SENP7: variants seen among roughly 807,000 people sequenced by gnomAD.
SENP7 encodes the protein SUMO specific peptidase 7, also known as sentrin-specific protease 7.
In SENP7, 64 loss-of-function variants were observed where a neutral mutation model predicts 141.2. The observed-to-expected ratio is 0.45, with a 90% CI of 0.37 to 0.56. The LOEUF (loss-of-function observed/expected upper bound fraction) is 0.56, where lower values mean the gene tolerates loss of function less well. Among genes scored for constraint, SENP7 ranks in the 20% least tolerant of loss-of-function variants. The pLI is 0.00. For synonymous variants in SENP7, 382 were observed against 426.4 expected, an observed-to-expected ratio of 0.90 and a Z score of 1.28; for missense variants, 1,025 against 1,212.2, an observed-to-expected ratio of 0.85 and a Z score of 2.29.
chr3:101,492,882 C>T (rs557189471), intron 3 of SENP7, among the ~76,000 whole-genome samples: 24 of 152,212 alleles, frequency 1.6e-4, no homozygotes, highest in African/African-American at 5.8e-4. Context: ...TTCCCAGCTA[C>T]TCAGGAGGCT....
intron 18 of SENP7, 121 bp downstream of exon 18, chr3:101,332,649 A>C (rs913893223): frequency 1.4e-5 from 8 of 559,012 alleles, no homozygotes; most frequent in African/African-American, 5.9e-5. Context: ...TATTTAAAAA[A>C]ATTAAAATAA....
Position 101,351,666 on chromosome 3 carries a change from A to G in SENP7, c.1624-15T>C. The G allele has an allele frequency of 7.4e-7, 1 of 1,345,494 alleles. No individual in the cohort carries two copies. Among genetic ancestry groups the G allele is most frequent in the Non-Finnish European group, 9.7e-7 (1 of 1,030,308 alleles). The allele number at this position is 1,345,494 out of a possible 1,614,324, so 83.3% of individuals were successfully genotyped here. A position where few individuals can be genotyped will look rare whatever the true frequency, so the allele number is the denominator to read the frequency against. ...TTTTTTGTGATCTGAAGAAAAAATT[A>G]AAAAGCAAACAATGAGTTACCACTC... On this transcript the variant is annotated splice_polypyrimidine_tract_variant and intron_variant, in intron 11 of 23. Transcript: ENST00000394095.
intron 18 of SENP7, 35 bp from the exon 19 acceptor site, chr3:101,332,144 A>G (rs2059073300): frequency 6.2e-7 from 1 of 1,601,262 alleles, no homozygotes; most frequent in African/African-American, 1.3e-5. Flanking sequence ...AATACCATGC[A>G]AAGTCTAAAC....
At chr3:101,464,462 G>A (rs571097649) in intron 3 of SENP7, among the ~76,000 whole-genome samples, 1 of 152,082 alleles carries the variant, frequency 6.6e-6, no homozygotes, top group African/African-American at 2.4e-5. Flanking sequence ...CCACCTGTCA[G>A]GTCAGTGGCA....
chr3:101,470,860 GACAA>G (rs1313259188), intron 3 of SENP7, among the ~76,000 whole-genome samples: 3 of 152,078 alleles, frequency 2.0e-5, no homozygotes, highest in African/African-American at 4.8e-5. Flanking sequence ...ACCCTTAACA[GACAA>G]ACAAAGAGCC....
In SENP7 at chr3:101,417,695, G is replaced by C. The variant is rs776653516; in HGVS notation, c.380C>G (p.Ala127Gly). Reference sequence around the variant, plus strand: ...CAATGAGTCTGATTGCACCTTGTTGGCATCACATAAATTAGCATCGTTTCT... The same window carrying C: ...CAATGAGTCTGATTGCACCTTGTTGCCATCACATAAATTAGCATCGTTTCT... ...LPRNDANLCD[A>G]NKVQSDSLPS... The change falls in exon 5 of 24, where the codon GCC (alanine) becomes GGC (glycine). Residue 127 changes from alanine (A) to glycine (G), a missense_variant. Ala to Gly is a moderately conservative substitution (Grantham distance 60). Coordinates refer to ENST00000394095, the MANE Select transcript of SENP7 (RefSeq NM_020654.5). 1.2e-6 allele frequency: 2 copies of C among 1,613,788 alleles called. No individual in the cohort carries two copies. The highest frequency in any genetic ancestry group is 1.7e-5 in the Admixed American group (1 of 60,026).
At chr3:101,479,127 T>C (rs774587587) in intron 3 of SENP7, among the ~76,000 whole-genome samples, 9 of 152,190 alleles carry the variant, frequency 5.9e-5, no homozygotes, top group African/African-American at 1.4e-4. Flanking sequence ...AAGACTTCCC[T>C]CTAAGAACTG....
Position 101,399,046 on chromosome 3 carries a change from T to C in SENP7, c.492A>G (p.Arg164=). 6.2e-7 allele frequency: 1 copy of C among 1,609,662 alleles called. No homozygotes were observed. The highest frequency in any genetic ancestry group is 8.5e-7 in the Non-Finnish European group (1 of 1,177,418). Residue 164 remains arginine (R), a synonymous_variant, in exon 6 of 24, where the codon AGA becomes AGG. Coordinates refer to ENST00000394095, the MANE Select transcript of SENP7 (RefSeq NM_020654.5). ...TTCCCAGGACATTCGTCAATATAAC[T>C]CTGGGTATCCTGTCACATAGAATAA... The part of the protein sequence containing the change: ...QSLNLSERIP[R]VILTNVLGTE...
rs191457842 is a variant in SENP7, at chr3:101,452,821, G to T, written c.284+6134C>A. The stretch of plus-strand genomic sequence containing the variant: ...TAGGCATGGGCAAGGACTTCATGTC[G>T]AAAACACCAAAAGCAATGGCAACAA... On this transcript the variant is annotated intron_variant, in intron 4 of 23. Transcript: ENST00000394095. Among the ~76,000 whole-genome samples the T allele has an allele frequency of 9.8e-3, 1,492 of 152,042 alleles. 28 individuals carry two copies. The highest frequency in any genetic ancestry group is 0.034 in the African/African-American group (1,399 of 41,452).
intron 5 of SENP7, among the ~76,000 whole-genome samples, chr3:101,413,813 G>C (rs1330843868): frequency 2.0e-5 from 3 of 151,886 alleles, no homozygotes. Context: ...GCTGAAAATA[G>C]TTCCCTAAAC....
At chr3:101,510,843 CAA>C (rs377579284) in intron 1 of SENP7, among the ~76,000 whole-genome samples, 7 of 78,368 alleles carry the variant, frequency 8.9e-5, no homozygotes, top group Admixed American at 3.5e-4. Context: ...GACTCCATCT[CAA>C]AAAAAAAAAA....
Position 101,341,630 on chromosome 3 carries a change from C to A in SENP7, c.2240+16G>T. 1 of 1,554,866 alleles carries A rather than the reference C, an allele frequency of 6.4e-7. No individual in the cohort carries two copies. The highest frequency in any genetic ancestry group is 8.8e-7 in the Non-Finnish European group (1 of 1,139,402). ...AATATGCCCATCTACTACAAACATGCTATGACAGTACATACTTCTGAACAA... is the reference window on the plus strand; with the variant it reads ...AATATGCCCATCTACTACAAACATGATATGACAGTACATACTTCTGAACAA... On this transcript the variant is annotated intron_variant, in intron 15 of 23. Transcript: ENST00000394095.
At chr3:101,484,866 G>A (rs2064660154) in intron 3 of SENP7, among the ~76,000 whole-genome samples, 1 of 152,088 alleles carries the variant, frequency 6.6e-6, no homozygotes, top group Non-Finnish European at 1.5e-5. Flanking sequence ...TGAACGGGGT[G>A]AGAAGCCCAT....
At chr3:101,463,700 A>T (rs546939654) in intron 3 of SENP7, among the ~76,000 whole-genome samples, 1 of 152,108 alleles carries the variant, frequency 6.6e-6, no homozygotes, top group African/African-American at 2.4e-5. Flanking sequence ...CTTGGCATAT[A>T]AAAAGCCTAG....
At chr3:101,485,135 G>GA (rs2064673330) in intron 3 of SENP7, among the ~76,000 whole-genome samples, 2 of 151,740 alleles carry the variant, frequency 1.3e-5, no homozygotes, top group Admixed American at 1.3e-4. Context: ...GCTCAGACAC[G>GA]CCTAGCCCCA....
chr3:101,439,035 C>T (rs1463431565), intron 4 of SENP7, among the ~76,000 whole-genome samples: 2 of 133,638 alleles, frequency 1.5e-5, no homozygotes, highest in African/African-American at 5.4e-5. Context: ...GCTGCCCAGT[C>T]TGGAAAGTGA....
chr3:101,374,493 C>T lies in SENP7; in HGVS notation c.678-2367G>A, dbSNP rs60537707. On this transcript the variant is annotated intron_variant, in intron 6 of 23. Transcript: ENST00000394095. Reference sequence around the variant, plus strand: ...ACTTATGGCTGGGCATGGTAGTTGACGCCTGTAATCCCAGCTACTCGAGAG... The same window carrying T: ...ACTTATGGCTGGGCATGGTAGTTGATGCCTGTAATCCCAGCTACTCGAGAG... Among the ~76,000 whole-genome samples the T allele has an allele frequency of 8.5e-3, 1,293 of 152,126 alleles. 24 individuals carry two copies. The highest frequency in any genetic ancestry group is 0.029 in the African/African-American group (1,206 of 41,484).
At chr3:101,504,286 A>G (rs970631469) in intron 1 of SENP7, among the ~76,000 whole-genome samples, 2 of 135,718 alleles carry the variant, frequency 1.5e-5, no homozygotes, top group Admixed American at 8.4e-5. Context: ...ACCCGTCTCT[A>G]TTAAAAATAC....
At chr3:101,419,845 T>C (rs2061735244) in intron 4 of SENP7, among the ~76,000 whole-genome samples, 1 of 152,246 alleles carries the variant, frequency 6.6e-6, no homozygotes, top group Non-Finnish European at 1.5e-5. Context: ...TTTACAATGA[T>C]TTATTTCATT....
Sources: gnomAD v4.1 joint callset for allele counts (sites outside exome capture counted in the v4.1 genomes callset) on GRCh38, gnomAD v4.1.1 for gene constraint, MANE v1.5 for transcripts, NCBI Gene and HGNC (gene_info 2026-07-23, HGNC 2026-07-21) for gene names.